The following TNIK variants were observed in gnomAD, a reference collection of about 807,000 sequenced individuals.
TNIK encodes TRAF2 and NCK-interacting protein kinase.
In TNIK, 49 loss-of-function variants were observed where a neutral mutation model predicts 191.3. The ratio of observed to expected loss-of-function variants is 0.26; its 90% confidence interval spans 0.20 to 0.32. The LOEUF is 0.32. TNIK is among the 10% of genes least tolerant of loss of function. The pLI is 1.00. For synonymous variants in TNIK, 594 were observed against 600.9 expected (o/e 0.99, Z 0.17); for missense variants, 1,155 against 1,702.3 (o/e 0.68, Z 5.66).
intron 1 of TNIK, among the ~76,000 whole-genome samples, chr3:171,381,486 A>G (rs1047998221): frequency 6.6e-6 from 1 of 152,224 alleles, no homozygotes; most frequent in Non-Finnish European, 1.5e-5. Flanking sequence ...AGAGCATAGA[A>G]TGGAAAATGA....
intron 12 of TNIK, among the ~76,000 whole-genome samples, chr3:171,154,259 CA>C (rs33932410): frequency 0.63 from 86,595 of 137,336 alleles, 26,293 homozygotes; most frequent in East Asian, 0.88. Flanking sequence ...GATATCTCTT[CA>C]AAAAAAAAAA....
intron 12 of TNIK, among the ~76,000 whole-genome samples, chr3:171,155,322 A>C (rs1733023589): frequency 6.6e-6 from 1 of 152,170 alleles, no homozygotes; most frequent in African/African-American, 2.4e-5. Flanking sequence ...GAATGTCATG[A>C]CTAAGGGGTT....
chr3:171,362,373 C>T (rs144638457), intron 2 of TNIK, among the ~76,000 whole-genome samples: 148 of 152,202 alleles, frequency 9.7e-4, no homozygotes, highest in African/African-American at 3.3e-3. Flanking sequence ...AAAGTATTGT[C>T]GTTTTTGCCA....
intron 2 of TNIK, among the ~76,000 whole-genome samples, chr3:171,285,489 G>A (rs1305620030): frequency 6.6e-6 from 1 of 152,214 alleles, no homozygotes; most frequent in Admixed American, 6.5e-5. Context: ...AATGCCAGCA[G>A]CTATATTGTT....
rs995577788 is a variant in TNIK, at chr3:171,060,013, A to G, written c.*3868T>C. Among the ~76,000 whole-genome samples, 3 of 152,202 alleles carry G rather than the reference A, an allele frequency of 2.0e-5. No individual in the cohort carries two copies. Among genetic ancestry groups the G allele is most frequent in the Non-Finnish European group, 2.9e-5 (2 of 68,024 alleles). Reference sequence around the variant, plus strand: ...TAGGTTAAAATTAAAAGTTTTATCAATAACTATTTTTTTTCTTAAAAATAA... The same window carrying G: ...TAGGTTAAAATTAAAAGTTTTATCAGTAACTATTTTTTTTCTTAAAAATAA... On this transcript the variant is annotated 3_prime_UTR_variant, in exon 33 of 33. Coordinates refer to ENST00000436636, the MANE Select transcript of TNIK (RefSeq NM_015028.4).
chr3:171,106,845 G>C, intron 21 of TNIK: 1 of 520,022 alleles, frequency 1.9e-6, no homozygotes, highest in South Asian at 1.6e-5. Flanking sequence ...AAACTGCTGA[G>C]AGCCATTCCC....
At chr3:171,105,505 G>T (rs990426754) in intron 21 of TNIK, among the ~76,000 whole-genome samples, 12 of 152,272 alleles carry the variant, frequency 7.9e-5, no homozygotes, top group South Asian at 2.1e-4. Context: ...TATTTTAGTG[G>T]TTTGGATCAG....
At chr3:171,241,091 C>T (rs1324065975) in intron 2 of TNIK, among the ~76,000 whole-genome samples, 1 of 151,158 alleles carries the variant, frequency 6.6e-6, no homozygotes, top group Non-Finnish European at 1.5e-5. Flanking sequence ...AGTGCAACGG[C>T]ACGATCTTGG....
chr3:171,351,627 G>T (rs1452511023), intron 2 of TNIK, among the ~76,000 whole-genome samples: 1 of 152,140 alleles, frequency 6.6e-6, no homozygotes, highest in African/African-American at 2.4e-5. Context: ...CATTGCATTT[G>T]TAAGAGTTGG....
At chr3:171,108,287 G>T (rs1725283519) in intron 19 of TNIK, 125 bp from the exon 20 acceptor site, 1 of 650,164 alleles carries the variant, frequency 1.5e-6, no homozygotes, top group East Asian at 3.2e-5. Flanking sequence ...TCATTCACCT[G>T]GGCAAATCCT....
intron 3 of TNIK, among the ~76,000 whole-genome samples, chr3:171,220,157 C>T (rs927074301): frequency 6.6e-6 from 1 of 152,150 alleles, no homozygotes; most frequent in African/African-American, 2.4e-5. Flanking sequence ...AAACCAAACA[C>T]TGCATGATCT....
At chr3:171,240,178 G>C (rs988097000) in intron 2 of TNIK, among the ~76,000 whole-genome samples, 3 of 152,244 alleles carry the variant, frequency 2.0e-5, no homozygotes, top group Non-Finnish European at 4.4e-5. Context: ...AGTTTAGGTC[G>C]ACTCATCAGG....
At chr3:171,297,745 T>C (rs1344129895) in intron 2 of TNIK, among the ~76,000 whole-genome samples, 3 of 152,188 alleles carry the variant, frequency 2.0e-5, no homozygotes, top group African/African-American at 7.2e-5. Context: ...GTGTAAAAAA[T>C]GAAATTTGAG....
intron 2 of TNIK, among the ~76,000 whole-genome samples, chr3:171,343,258 C>T (rs1412436706): frequency 6.6e-6 from 1 of 152,142 alleles, no homozygotes; most frequent in Non-Finnish European, 1.5e-5. Context: ...TCAGCCTCAA[C>T]AGGGATAACT....
At chr3:171,064,117 C>T (rs139577293) in intron 32 of TNIK, 153 bp from the exon 33 acceptor site, 27 of 648,102 alleles carry the variant, frequency 4.2e-5, no homozygotes, top group Non-Finnish European at 6.6e-5. Context: ...CTTTGGATAT[C>T]GTGCATCCTA....
At chr3:171,411,579 C>A (rs1470699494) in intron 1 of TNIK, among the ~76,000 whole-genome samples, 2 of 151,918 alleles carry the variant, frequency 1.3e-5, no homozygotes, top group Admixed American at 1.3e-4. Flanking sequence ...CATGGCTCAC[C>A]TTTTTATACT....
intron 2 of TNIK, among the ~76,000 whole-genome samples, chr3:171,359,571 C>T (rs1714666731): frequency 6.6e-6 from 1 of 152,164 alleles, no homozygotes; most frequent in Admixed American, 6.5e-5. Context: ...GAGGCCACTG[C>T]ACCCAGCAGC....
intron 28 of TNIK, among the ~76,000 whole-genome samples, chr3:171,078,483 C>CTT (rs138211654): frequency 0.1 from 15,319 of 150,718 alleles, 848 homozygotes; most frequent in Middle Eastern, 0.16. Context: ...TTTGTTCTAC[C>CTT]TTTTTTTTTA....
At chr3:171,177,633 C>T (rs1343410206) in intron 7 of TNIK, among the ~76,000 whole-genome samples, 1 of 152,172 alleles carries the variant, frequency 6.6e-6, no homozygotes, top group Non-Finnish European at 1.5e-5. Context: ...TAATTCGTTA[C>T]TGAAACTTAT....
Sources: allele counts gnomAD v4.1 joint callset (sites outside exome capture counted in the v4.1 genomes callset), GRCh38; gene constraint gnomAD v4.1.1; transcripts MANE v1.5; gene names NCBI Gene and HGNC (gene_info 2026-07-23, HGNC 2026-07-21).